DEF8: variants seen among roughly 807,000 people sequenced by gnomAD.
DEF8 encodes the protein DEF-8.
In DEF8, 38 loss-of-function variants were observed where a neutral mutation model predicts 59.1. The ratio of observed to expected loss-of-function variants is 0.64; its 90% CI spans 0.50 to 0.84. The LOEUF is 0.84. Ranked by LOEUF, DEF8 falls within the 40% of genes least tolerant of loss-of-function variation. DEF8 has a pLI of 0.00. For missense variants in DEF8, 557 were observed against 615.2 expected (o/e 0.91, Z 1.00); for synonymous variants, 265 against 250.1 (o/e 1.06, Z -0.56).
intron 4 of DEF8, among the ~76,000 whole-genome samples, chr16:89,955,617 T>C (rs1252349512): frequency 1.3e-5 from 2 of 152,176 alleles, no homozygotes; most frequent in African/African-American, 2.4e-5. Context: ...CTTGAGGTCC[T>C]GTACACTTGC....
rs1265517875 is a variant in DEF8 at position 89,959,169 on chromosome 16, C to G, written c.514+14C>G. ...ACACCTGCACAGGTGGGCCGAGACC[C>G]AGACGAGGAGTGAGGAATGAGAGAG... On this transcript the variant is annotated intron_variant, in intron 6 of 12. Transcript: ENST00000563594. 6.2e-7 allele frequency: 1 copy of G among 1,613,900 alleles called. No individual in the cohort carries two copies.
chr16:89,956,110 C>A (rs2033136370), intron 4 of DEF8, among the ~76,000 whole-genome samples: 1 of 151,146 alleles, frequency 6.6e-6, no homozygotes, highest in African/African-American at 2.4e-5. Flanking sequence ...TATTTTTATG[C>A]AAACCATCTC....
intron 4 of DEF8, among the ~76,000 whole-genome samples, chr16:89,956,303 A>G (rs1472389594): frequency 2.0e-5 from 3 of 151,206 alleles, no homozygotes; most frequent in Non-Finnish European, 4.4e-5. Flanking sequence ...AAAAATACAA[A>G]AAAAAATTTA....
chr16:89,959,011 C>T lies in DEF8; in HGVS notation c.373-3C>T. On this transcript the variant is annotated splice_polypyrimidine_tract_variant and splice_region_variant and intron_variant, in intron 5 of 12. Coordinates refer to ENST00000563594, the MANE Select transcript of DEF8 (RefSeq NM_001242818.2). ...GACCCCCTCCCTGACTCACCCTCTG[C>T]AGGACCCCAATGAGGATGAGCCAAA... 2 of 1,610,738 alleles carry T rather than the reference C, an allele frequency of 1.2e-6. No individual in the cohort carries two copies. Among genetic ancestry groups the T allele is most frequent in the South Asian group, 2.2e-5 (2 of 91,050 alleles).
In DEF8 at chr16:89,964,215, G is replaced by A. The variant is rs768094768; in HGVS notation, c.1048G>A (p.Val350Ile). ...HFVENDEMYS[V>I]QDLLDVHAGR... ...TGTGGAGAACGACGAGATGTACTCT[G>A]TCCAGGACCTCCTGGACGTGCATGC... The change falls in exon 11 of 13, where the codon GTC becomes ATC. Residue 350 changes from valine (V) to isoleucine (I), a missense_variant. Coordinates refer to ENST00000563594, the MANE Select transcript of DEF8 (RefSeq NM_001242818.2). 2 of 1,613,856 alleles carry A rather than the reference G, an allele frequency of 1.2e-6. No homozygotes were observed. The highest frequency in any genetic ancestry group is 4.5e-5 in the East Asian group (2 of 44,852).
Position 89,955,260 on chromosome 16 carries a change from C to T in DEF8, c.216C>T (p.Arg72=), listed in dbSNP as rs2032959902. 1 of 1,613,438 alleles carries T rather than the reference C, an allele frequency of 6.2e-7. No individual in the cohort carries two copies. Among genetic ancestry groups the T allele is most frequent in the African/African-American group, 1.3e-5 (1 of 74,902 alleles). Reference sequence around the variant, plus strand: ...GCCTGTCTGAGGACCACTTCTCCCGCCCTGTGGTAAGGTTTTAGATCTCGG... The same window carrying T: ...GCCTGTCTGAGGACCACTTCTCCCGTCCTGTGGTAAGGTTTTAGATCTCGG... ...DLGLSEDHFS[R]PVGLFLASDV... Residue 72 remains arginine, a synonymous_variant, in exon 4 of 13, where the codon CGC becomes CGT. Transcript: ENST00000563594.
chr16:89,951,623 C>T (rs1382564910), intron 2 of DEF8, among the ~76,000 whole-genome samples: 1 of 152,300 alleles, frequency 6.6e-6, no homozygotes, highest in South Asian at 2.1e-4. Context: ...ATTTCTCTCA[C>T]TTGAATGAAG....
intron 9 of DEF8, among the ~76,000 whole-genome samples, chr16:89,962,685 T>C (rs2034189750): frequency 1.3e-5 from 2 of 152,108 alleles, no homozygotes. Context: ...ACAAGTGAAG[T>C]TAATGTTAAT....
chr16:89,960,004 G>C (rs2033813117), intron 6 of DEF8, among the ~76,000 whole-genome samples: 2 of 152,176 alleles, frequency 1.3e-5, no homozygotes, highest in Non-Finnish European at 2.9e-5. Flanking sequence ...GAGGAGCAGA[G>C]AGCCAGGTGT....
At chr16:89,950,951 A>T (rs1365892782) in intron 2 of DEF8, among the ~76,000 whole-genome samples, 5 of 152,328 alleles carry the variant, frequency 3.3e-5, no homozygotes, top group Admixed American at 3.3e-4. Context: ...ACTGCACTCC[A>T]GCTCGGGTGA....
intron 2 of DEF8, among the ~76,000 whole-genome samples, chr16:89,952,913 C>G (rs1231021518): frequency 6.6e-6 from 1 of 152,222 alleles, no homozygotes; most frequent in African/African-American, 2.4e-5. Context: ...TTGGGGTGGC[C>G]TCCTTATCCC....
At chr16:89,958,990 C>T in intron 5 of DEF8, 24 bp from the exon 6 acceptor site, 1 of 1,606,470 alleles carries the variant, frequency 6.2e-7, no homozygotes, top group Non-Finnish European at 8.5e-7. Flanking sequence ...ACCTGTGACC[C>T]CCTCCCTGAC....
At chr16:89,958,448 G>A (rs1567796629) in intron 5 of DEF8, 1 of 159,858 alleles carries the variant, frequency 6.3e-6, no homozygotes, top group Non-Finnish European at 1.4e-5. Flanking sequence ...GGGTCTGTGT[G>A]TGCTTTGGCC....
intron 5 of DEF8, chr16:89,958,061 T>C: frequency 5.9e-6 from 1 of 168,090 alleles, no homozygotes; most frequent in South Asian, 1.3e-4. Context: ...CATCTTGCTT[T>C]CCAGGAGCTG....
At chr16:89,961,244 G>C in intron 7 of DEF8, 149 bp downstream of exon 7, 1 of 1,112,044 alleles carries the variant, frequency 9.0e-7, no homozygotes, top group Non-Finnish European at 1.3e-6. Context: ...ACAAGGGTCT[G>C]TTGCTGCCAT....
At chr16:89,949,583 G>A in intron 2 of DEF8, 70 bp downstream of exon 2, 2 of 1,613,278 alleles carry the variant, frequency 1.2e-6, no homozygotes, top group Non-Finnish European at 1.7e-6. Context: ...GGTGGCAGCT[G>A]CAGTGATGAC....
At position 89,962,040 on chromosome 16, in the gene DEF8, C is replaced by A. The variant is rs754403881; in HGVS notation, c.836C>A (p.Ala279Glu). 1.2e-6 allele frequency: 2 copies of A among 1,613,910 alleles called. No homozygotes were observed. The highest frequency in any genetic ancestry group is 2.7e-5 in the African/African-American group (2 of 74,910). ...TCTCGCTGCAGCATGCGCTACCTGG[C>A]GCTGATGGTGTCTCGGCCCGTACTC... Reference protein sequence around the residue: ...KVSRCSMRYLALMVSRPVLRL... With the variant: ...KVSRCSMRYLELMVSRPVLRL... Residue 279 changes from alanine to glutamate, a missense_variant, in exon 9 of 13, where the codon GCG (alanine) becomes GAG (glutamate). Coordinates refer to ENST00000563594, the MANE Select transcript of DEF8 (RefSeq NM_001242818.2).
At chr16:89,961,179 T>G in intron 7 of DEF8, 84 bp downstream of exon 7, 1 of 1,530,164 alleles carries the variant, frequency 6.5e-7, no homozygotes, top group Non-Finnish European at 8.8e-7. Context: ...GGCACGTAAG[T>G]CAGACAGTTG....
At chr16:89,960,820 G>T in intron 6 of DEF8, 111 bp from the exon 7 acceptor site, 1 of 1,135,528 alleles carries the variant, frequency 8.8e-7, no homozygotes, top group Non-Finnish European at 1.3e-6. Context: ...GTCTTAGATT[G>T]ATCTGGGCCT....
Sources: allele counts gnomAD v4.1 joint callset (sites outside exome capture counted in the v4.1 genomes callset), GRCh38; gene constraint gnomAD v4.1.1; transcripts MANE v1.5; gene names NCBI Gene and HGNC (gene_info 2026-07-23, HGNC 2026-07-21).